RCAN2: variants seen among roughly 807,000 people sequenced by gnomAD.
RCAN2 encodes calcipressin-2.
A neutral mutation model predicts 23.6 loss-of-function variants in RCAN2; 9 were observed. That is an observed-to-expected ratio of 0.38 (90% CI 0.23 to 0.67). RCAN2 has a LOEUF of 0.67. Among genes scored for constraint, RCAN2 ranks in the 30% least tolerant of loss-of-function variants. The pLI is 0.51. For missense variants in RCAN2, 273 were observed against 302.3 expected (o/e 0.90, Z 0.72); for synonymous variants, 109 against 115.7 (o/e 0.94, Z 0.37).
At position 46,434,704 on chromosome 6, in the gene RCAN2, T is replaced by C. The variant is rs368916958; in HGVS notation, c.225+22048A>G. Among the ~76,000 whole-genome samples the C allele has an allele frequency of 3.3e-5, 5 of 152,204 alleles. 1 individual carries two copies. Among genetic ancestry groups the C allele is most frequent in the Admixed American group, 2.6e-4 (4 of 15,286 alleles). On this transcript the variant is annotated intron_variant, in intron 2 of 4. Coordinates refer to ENST00000371374, the MANE Select transcript of RCAN2 (RefSeq NM_001251974.2). ...GATTATTGAGAAATGCCCAGGCAAC[T>C]CCTCTCATCTGTAGTTTGAAACCAT... is the stretch of plus-strand genomic sequence containing the variant.
At chr6:46,340,872 T>A (rs1435622074) in intron 2 of RCAN2, among the ~76,000 whole-genome samples, 1 of 152,252 alleles carries the variant, frequency 6.6e-6, no homozygotes, top group Non-Finnish European at 1.5e-5. Flanking sequence ...AATCCTTGAA[T>A]GAATCCTTGA....
intron 2 of RCAN2, among the ~76,000 whole-genome samples, chr6:46,279,343 A>G (rs1767823800): frequency 6.6e-6 from 1 of 152,196 alleles, no homozygotes; most frequent in Admixed American, 6.5e-5. Flanking sequence ...GAGATACACT[A>G]GCAGAATAGT....
intron 2 of RCAN2, among the ~76,000 whole-genome samples, chr6:46,343,269 A>G (rs2150374042): frequency 6.6e-6 from 1 of 152,278 alleles, no homozygotes; most frequent in East Asian, 1.9e-4. Flanking sequence ...AAGATAAACT[A>G]TCAACTATAT....
intron 2 of RCAN2, among the ~76,000 whole-genome samples, chr6:46,279,335 G>C (rs1283046902): frequency 6.6e-6 from 1 of 152,150 alleles, no homozygotes; most frequent in Non-Finnish European, 1.5e-5. Flanking sequence ...CTTCTTTTGA[G>C]ATACACTAGC....
upstream of RCAN2, among the ~76,000 whole-genome samples, chr6:46,491,699 G>A (rs1408054642): frequency 2.0e-5 from 3 of 151,036 alleles, no homozygotes; most frequent in African/African-American, 7.2e-5. Flanking sequence ...GGGCGCAGGA[G>A]CCTCCGGGCA....
intron 2 of RCAN2, among the ~76,000 whole-genome samples, chr6:46,420,322 T>C (rs1167317566): frequency 6.6e-6 from 1 of 152,090 alleles, no homozygotes; most frequent in Non-Finnish European, 1.5e-5. Flanking sequence ...GTTGCATCAT[T>C]AAGGGGAGCT....
intron 2 of RCAN2, among the ~76,000 whole-genome samples, chr6:46,446,796 T>C (rs905276993): frequency 3.3e-5 from 5 of 152,142 alleles, no homozygotes; most frequent in Admixed American, 3.3e-4. Context: ...ATATTTTATG[T>C]AAGCCTCATG....
chr6:46,416,387 T>C (rs190539713), intron 2 of RCAN2, among the ~76,000 whole-genome samples: 22 of 148,040 alleles, frequency 1.5e-4, no homozygotes, highest in African/African-American at 5.3e-4. Context: ...GGTACCTTCT[T>C]CCTCAATAAG....
At chr6:46,483,245 C>T (rs1405674976) in intron 1 of RCAN2, among the ~76,000 whole-genome samples, 1 of 152,192 alleles carries the variant, frequency 6.6e-6, no homozygotes, top group Admixed American at 6.5e-5. Flanking sequence ...TAGTTGTTGG[C>T]TCGATGAAGG....
chr6:46,485,031 A>C (rs1768960616), intron 1 of RCAN2, among the ~76,000 whole-genome samples: 1 of 152,246 alleles, frequency 6.6e-6, no homozygotes, highest in South Asian at 2.1e-4. Context: ...CAATGTCAGT[A>C]TACAGAGAAA....
intron 4 of RCAN2, among the ~76,000 whole-genome samples, chr6:46,237,814 A>T (rs1387515747): frequency 6.6e-6 from 1 of 152,138 alleles, no homozygotes; most frequent in East Asian, 1.9e-4. Flanking sequence ...CCTATGTCCA[A>T]GTTGTAAGGA....
intron 4 of RCAN2, among the ~76,000 whole-genome samples, chr6:46,229,175 T>G (rs1310796183): frequency 6.6e-6 from 1 of 152,208 alleles, no homozygotes; most frequent in Non-Finnish European, 1.5e-5. Context: ...GTGGGTAACC[T>G]GACCTTTCTT....
intron 2 of RCAN2, among the ~76,000 whole-genome samples, chr6:46,415,267 A>G (rs968997459): frequency 1.3e-5 from 2 of 152,224 alleles, no homozygotes; most frequent in African/African-American, 4.8e-5. Flanking sequence ...GATTAAGGGT[A>G]TAGAATCAAG....
At chr6:46,427,964 A>C (rs1203477062) in intron 2 of RCAN2, among the ~76,000 whole-genome samples, 2 of 152,240 alleles carry the variant, frequency 1.3e-5, no homozygotes, top group African/African-American at 4.8e-5. Context: ...GTTAGGGCTA[A>C]GCTAGGACCA....
chr6:46,406,397 A>C (rs948511404), intron 2 of RCAN2, among the ~76,000 whole-genome samples: 1 of 152,078 alleles, frequency 6.6e-6, no homozygotes, highest in African/African-American at 2.4e-5. Context: ...AAATAAAGTC[A>C]CTCCTCCAAA....
intron 2 of RCAN2, among the ~76,000 whole-genome samples, chr6:46,446,593 A>G (rs1767716727): frequency 6.6e-6 from 1 of 152,236 alleles, no homozygotes; most frequent in Non-Finnish European, 1.5e-5. Context: ...TAAGTCACTT[A>G]TATCTTTAGT....
rs573198093 is a variant in RCAN2 at position 46,359,747 on chromosome 6, A to G, written c.225+97005T>C. 1.6e-4 allele frequency among the ~76,000 whole-genome samples: 24 copies of G among 152,322 alleles called. 1 individual carries two copies. The East Asian group carries it at 4.6e-3, about 29-fold the overall frequency. On this transcript the variant is annotated intron_variant, in intron 2 of 4. Transcript: ENST00000371374. The stretch of plus-strand genomic sequence containing the variant: ...GTAGGGACTGAATGAGTAAACGAAT[A>G]TTAACATGTATTAAGCATCAGCTAT...
intron 2 of RCAN2, among the ~76,000 whole-genome samples, chr6:46,373,353 C>A (rs991138524): frequency 6.6e-6 from 1 of 152,080 alleles, no homozygotes; most frequent in Non-Finnish European, 1.5e-5. Context: ...CAACCTCCAC[C>A]GCCCAGGTTC....
intron 2 of RCAN2, among the ~76,000 whole-genome samples, chr6:46,339,604 A>T (rs6910478): frequency 0.42 from 63,768 of 151,602 alleles, 14,805 homozygotes; most frequent in East Asian, 0.6. Flanking sequence ...TTTGTGCGTT[A>T]TGGGTAGGAT....
Sources: allele counts gnomAD v4.1 joint callset (sites outside exome capture counted in the v4.1 genomes callset), GRCh38; gene constraint gnomAD v4.1.1; transcripts MANE v1.5; gene names NCBI Gene and HGNC (gene_info 2026-07-23, HGNC 2026-07-21).